The following AKAP13 variants were observed in gnomAD, a reference collection of about 807,000 sequenced individuals.
AKAP13 encodes the protein A-kinase anchoring protein 13, also known as A-kinase anchor protein 13.
Under a neutral mutation model 264.5 loss-of-function variants are expected in AKAP13, and 80 were observed. The observed-to-expected ratio is 0.30, with a 90% CI of 0.25 to 0.36. The LOEUF is 0.36. Ranked by LOEUF, AKAP13 falls within the 10% of genes least tolerant of loss-of-function variation. The probability of loss-of-function intolerance (pLI) is 1.00; values close to 1 mark genes in which losing one functional copy is unlikely to be tolerated. For synonymous variants in AKAP13, 1,380 were observed against 1,250.2 expected, an observed-to-expected ratio of 1.10 and a Z score of -2.19; for missense variants, 3,712 against 3,435.2, an observed-to-expected ratio of 1.08 and a Z score of -2.01.
chr15:85,483,908 C>T (rs1042264572), intron 1 of AKAP13, among the ~76,000 whole-genome samples: 11 of 152,174 alleles, frequency 7.2e-5, no homozygotes, highest in East Asian at 3.9e-4. Flanking sequence ...TTATGTGTGG[C>T]GCAACACAAT....
intron 4 of AKAP13, among the ~76,000 whole-genome samples, chr15:85,542,949 A>G (rs1174278372): frequency 1.3e-5 from 2 of 152,168 alleles, no homozygotes; most frequent in African/African-American, 4.8e-5. Context: ...AAGTTCAGAG[A>G]TGTTACATGA....
At chr15:85,680,667 C>T (rs570907017) in intron 14 of AKAP13, among the ~76,000 whole-genome samples, 3 of 152,036 alleles carry the variant, frequency 2.0e-5, no homozygotes, top group African/African-American at 4.8e-5. Context: ...GGGTTCAAGA[C>T]CAGCCTGGGC....
chr15:85,447,009 C>G (rs921723097), intron 1 of AKAP13, among the ~76,000 whole-genome samples: 3 of 152,196 alleles, frequency 2.0e-5, no homozygotes, highest in Non-Finnish European at 4.4e-5. Context: ...CGGCTCACAC[C>G]TGTAATCCCG....
intron 1 of AKAP13, among the ~76,000 whole-genome samples, chr15:85,434,125 G>C (rs556655120): frequency 6.6e-6 from 1 of 151,870 alleles, no homozygotes; most frequent in Non-Finnish European, 1.5e-5. Context: ...CACCGTGCGC[G>C]AGCCGAAGCA....
intron 5 of AKAP13, among the ~76,000 whole-genome samples, chr15:85,560,360 TG>T: frequency 6.6e-6 from 1 of 151,952 alleles, no homozygotes; most frequent in Non-Finnish European, 1.5e-5. Flanking sequence ...TTGCCCAGCC[TG>T]GTCTTGAACT....
chr15:85,567,414 G>A (rs769150796), intron 5 of AKAP13, among the ~76,000 whole-genome samples: 3 of 152,092 alleles, frequency 2.0e-5, no homozygotes, highest in Non-Finnish European at 4.4e-5. Context: ...CCACAAGTGC[G>A]GTTTTGTTAC....
At chr15:85,446,576 G>A (rs898350203) in intron 1 of AKAP13, among the ~76,000 whole-genome samples, 1 of 152,188 alleles carries the variant, frequency 6.6e-6, no homozygotes, top group Non-Finnish European at 1.5e-5. Flanking sequence ...TTGCCTATAA[G>A]CAATAGTTGA....
At chr15:85,415,181 C>T (rs186936575) in intron 1 of AKAP13, 770 of 1,196,188 alleles carry the variant, frequency 6.4e-4, no homozygotes, top group African/African-American at 2.8e-3. Flanking sequence ...CACGCTGCCA[C>T]GCCGACGCAG....
chr15:85,419,167 C>T (rs1393336140), intron 1 of AKAP13, among the ~76,000 whole-genome samples: 2 of 152,194 alleles, frequency 1.3e-5, no homozygotes, highest in Non-Finnish European at 2.9e-5. Context: ...ATCTTTGTAT[C>T]ATATCATCAT....
rs9302332 is a variant in AKAP13, at chr15:85,557,957, C to T, written c.662+14002C>T. Reference sequence around the variant, plus strand: ...AGTTTACCTTTGGGAGAAAATGAAACCTTGTCCAATGGGTCTATAGCTTAT... The same window carrying T: ...AGTTTACCTTTGGGAGAAAATGAAATCTTGTCCAATGGGTCTATAGCTTAT... On this transcript the variant is annotated intron_variant, in intron 5 of 36. Coordinates refer to ENST00000394518, the MANE Select transcript of AKAP13 (RefSeq NM_007200.5). 8.9e-3 allele frequency among the ~76,000 whole-genome samples: 1,361 copies of T among 152,258 alleles called. 18 individuals carry two copies. Among genetic ancestry groups the T allele is most frequent in the African/African-American group, 0.032 (1,308 of 41,520 alleles).
At chr15:85,445,542 A>G (rs1262944979) in intron 1 of AKAP13, among the ~76,000 whole-genome samples, 1 of 152,222 alleles carries the variant, frequency 6.6e-6, no homozygotes, top group East Asian at 1.9e-4. Flanking sequence ...TTGTCATATT[A>G]TGGAAGTAGT....
At chr15:85,458,632 TAGAC>T (rs548390885) in intron 1 of AKAP13, among the ~76,000 whole-genome samples, 53 of 152,306 alleles carry the variant, frequency 3.5e-4, no homozygotes, top group Non-Finnish European at 6.6e-4. Context: ...TAATACGTAT[TAGAC>T]AGATTTCTAC....
At chr15:85,740,502 A>G (rs2088872511) in intron 34 of AKAP13, 2 of 526,574 alleles carry the variant, frequency 3.8e-6, no homozygotes, top group East Asian at 2.9e-5. Flanking sequence ...TAACCATGCT[A>G]CAAATCACAT....
chr15:85,737,007 C>T (rs1340784030), intron 33 of AKAP13, among the ~76,000 whole-genome samples: 2 of 143,046 alleles, frequency 1.4e-5, no homozygotes, highest in Admixed American at 7.4e-5. Flanking sequence ...CAACCTCCAT[C>T]TCCTGGATTC....
At chr15:85,444,109 G>A (rs2073815673) in intron 1 of AKAP13, among the ~76,000 whole-genome samples, 1 of 152,154 alleles carries the variant, frequency 6.6e-6, no homozygotes, top group South Asian at 2.1e-4. Context: ...TATTTGGACA[G>A]TTTGAAGCAG....
chr15:85,396,349 C>T (rs151337564), intron 1 of AKAP13, among the ~76,000 whole-genome samples: 1 of 152,146 alleles, frequency 6.6e-6, no homozygotes, highest in Non-Finnish European at 1.5e-5. Flanking sequence ...GGATGGTTGA[C>T]CTAAGAATGT....
At chr15:85,716,476 G>T in intron 20 of AKAP13, among the ~76,000 whole-genome samples, 1 of 152,182 alleles carries the variant, frequency 6.6e-6, no homozygotes, top group Non-Finnish European at 1.5e-5. Context: ...CTGTCAAGTG[G>T]TTAGCAGGGG....
At chr15:85,439,890 C>T (rs1257702488) in intron 1 of AKAP13, among the ~76,000 whole-genome samples, 1 of 150,124 alleles carries the variant, frequency 6.7e-6, no homozygotes, top group East Asian at 2.0e-4. Context: ...TTAGTGGGTG[C>T]AGCGCACGAG....
intron 8 of AKAP13, among the ~76,000 whole-genome samples, chr15:85,617,109 C>T (rs1422595375): frequency 6.6e-6 from 1 of 152,212 alleles, no homozygotes; most frequent in Non-Finnish European, 1.5e-5. Flanking sequence ...TTCCTGAAGA[C>T]AGACACCTTG....
Sources: gnomAD v4.1 joint callset for allele counts (sites outside exome capture counted in the v4.1 genomes callset) on GRCh38, gnomAD v4.1.1 for gene constraint, MANE v1.5 for transcripts, NCBI Gene and HGNC (gene_info 2026-07-23, HGNC 2026-07-21) for gene names.